Variants in PCMTD1 observed in about 807,000 individuals in gnomAD.
PCMTD1 encodes protein-L-isoaspartate (D-aspartate) O-methyltransferase domain containing 1.
PCMTD1 carries 12 observed loss-of-function variants against 37.6 expected under a neutral mutation model. That is an observed-to-expected ratio of 0.32 (90% CI 0.20 to 0.52). The LOEUF (loss-of-function observed/expected upper bound fraction) is 0.52. Among genes scored for constraint, PCMTD1 ranks in the 20% least tolerant of loss-of-function variants. PCMTD1 has a pLI of 0.97. For missense variants in PCMTD1, 235 were observed against 421.3 expected (o/e 0.56, Z 3.87); for synonymous variants, 117 against 135.8 (o/e 0.86, Z 0.96).
At chr8:51,892,594 G>A (rs543276208) in intron 1 of PCMTD1, among the ~76,000 whole-genome samples, 3 of 152,270 alleles carry the variant, frequency 2.0e-5, no homozygotes, top group South Asian at 4.1e-4. Flanking sequence ...TTGTCACAAC[G>A]GTTGTAATAG....
chr8:51,834,079 G>C (rs2038034321), intron 3 of PCMTD1, among the ~76,000 whole-genome samples: 1 of 152,070 alleles, frequency 6.6e-6, no homozygotes, highest in African/African-American at 2.4e-5. Flanking sequence ...TTCCAAAAAA[G>C]GTGAGGGGCC....
At chr8:51,857,824 A>C (rs1387039491) in intron 2 of PCMTD1, among the ~76,000 whole-genome samples, 1 of 152,146 alleles carries the variant, frequency 6.6e-6, no homozygotes, top group Non-Finnish European at 1.5e-5. Flanking sequence ...AATCCTAAGA[A>C]ATTTTCTGAA....
rs139744224 is a variant in PCMTD1, at chr8:51,820,558, T to C, written c.867A>G (p.Val289=). 1.0e-3 allele frequency: 1,652 copies of C among 1,612,640 alleles called. 4 individuals are homozygous for C. Among genetic ancestry groups the C allele is most frequent in the Non-Finnish European group, 1.2e-3 (1,443 of 1,179,620 alleles). Residue 289 remains valine (V), a synonymous_variant, in exon 6 of 6, where the codon GTA becomes GTG. Transcript: ENST00000522514. ...KRVKQRINTY[V]FVGNQLIPQP... Reference sequence around the variant, plus strand: ...GAGGAATAAGCTGATTACCCACAAATACGTAAGTGTTAATTCTCTGTTTAA... The same window carrying C: ...GAGGAATAAGCTGATTACCCACAAACACGTAAGTGTTAATTCTCTGTTTAA...
chr8:51,876,626 C>G (rs772808783), intron 1 of PCMTD1, among the ~76,000 whole-genome samples: 1 of 152,082 alleles, frequency 6.6e-6, no homozygotes, highest in Non-Finnish European at 1.5e-5. Context: ...GTCTGAAACA[C>G]CTTCTTAAGA....
At position 51,899,032 on chromosome 8, in the gene PCMTD1, C is replaced by A; in HGVS notation, c.-198G>T. The A allele has an allele frequency of 6.6e-7, 1 of 1,511,632 alleles. No homozygotes were observed. Among genetic ancestry groups the A allele is most frequent in the Non-Finnish European group, 8.8e-7 (1 of 1,136,894 alleles). The allele number at this position is 1,511,632 out of a possible 1,614,324, so 93.6% of individuals were successfully genotyped here. A position where few individuals can be genotyped will look rare whatever the true frequency, so the allele number is the denominator to read the frequency against. On this transcript the variant is annotated 5_prime_UTR_variant, in exon 1 of 6. Transcript: ENST00000522514. Reference sequence around the variant, plus strand: ...ACAATAACAACACGGACGCCACCGCCGAGTGGAGAGGCGGGGCCCGGACCC... The same window carrying A: ...ACAATAACAACACGGACGCCACCGCAGAGTGGAGAGGCGGGGCCCGGACCC...
chr8:51,887,655 T>C (rs189013473), intron 1 of PCMTD1, among the ~76,000 whole-genome samples: 8 of 151,646 alleles, frequency 5.3e-5, no homozygotes, highest in Admixed American at 5.3e-4. Context: ...CATGCAATCA[T>C]TTTCCTCGTT....
intron 1 of PCMTD1, among the ~76,000 whole-genome samples, chr8:51,885,816 AG>A (rs2038858138): frequency 7.2e-5 from 2 of 27,822 alleles, no homozygotes; most frequent in Non-Finnish European, 1.5e-3. Context: ...ATGTCTCTAC[AG>A]GGGCATACGT....
Position 51,894,112 on chromosome 8 carries a change from A to G in PCMTD1, c.-96+4818T>C, listed in dbSNP as rs150937741. On this transcript the variant is annotated intron_variant, in intron 1 of 5. Coordinates refer to ENST00000522514, the MANE Select transcript of PCMTD1 (RefSeq NM_052937.4). Reference sequence around the variant, plus strand: ...ACTGGGAGGTGGGGGCTCTAGGGAAATACGGTGTACGCTGTATAAACTAGA... The same window carrying G: ...ACTGGGAGGTGGGGGCTCTAGGGAAGTACGGTGTACGCTGTATAAACTAGA... Among the ~76,000 whole-genome samples, 1,523 of 152,320 alleles carry G rather than the reference A, an allele frequency of 1.0e-2. 32 individuals carry two copies. The highest frequency in any genetic ancestry group is 0.035 in the African/African-American group (1,443 of 41,566).
chr8:51,847,301 TA>T (rs1289578563), intron 2 of PCMTD1, among the ~76,000 whole-genome samples: 70 of 152,314 alleles, frequency 4.6e-4, no homozygotes, highest in African/African-American at 1.6e-3. Context: ...TAAAATGTTT[TA>T]AAAAACCAAA....
At chr8:51,868,336 T>G (rs900242011) in intron 1 of PCMTD1, among the ~76,000 whole-genome samples, 3 of 152,066 alleles carry the variant, frequency 2.0e-5, no homozygotes, top group Non-Finnish European at 4.4e-5. Context: ...AGTAAATCTG[T>G]CCAAAAGTAA....
At chr8:51,851,546 AAT>A (rs1489448547) in intron 2 of PCMTD1, among the ~76,000 whole-genome samples, 1 of 152,226 alleles carries the variant, frequency 6.6e-6, no homozygotes, top group Non-Finnish European at 1.5e-5. Context: ...AGAATATTAA[AAT>A]AGAGATTAAA....
chr8:51,849,461 T>C (rs1248766706), intron 2 of PCMTD1: 1 of 151,474 alleles, frequency 6.6e-6, no homozygotes, highest in Non-Finnish European at 1.5e-5. Flanking sequence ...TTTTTGTAAC[T>C]TTTTTTTTAA....
chr8:51,849,920 G>A (rs2038280161), intron 2 of PCMTD1: 1 of 617,640 alleles, frequency 1.6e-6, no homozygotes, highest in Non-Finnish European at 2.9e-6. Context: ...GGAAACCTGA[G>A]AGTTCCACAC....
chr8:51,889,554 T>C (rs2038909130), intron 1 of PCMTD1, among the ~76,000 whole-genome samples: 1 of 152,194 alleles, frequency 6.6e-6, no homozygotes, highest in African/African-American at 2.4e-5. Flanking sequence ...TCTGGTATCA[T>C]CATTTTATAG....
At chr8:51,837,777 CTATT>C (rs1002841834) in intron 3 of PCMTD1, among the ~76,000 whole-genome samples, 11 of 151,952 alleles carry the variant, frequency 7.2e-5, no homozygotes, top group African/African-American at 1.9e-4. Flanking sequence ...ACTTATCTAT[CTATT>C]TATTTATTTT....
chr8:51,832,741 T>C (rs1456551346), intron 4 of PCMTD1, among the ~76,000 whole-genome samples: 3 of 152,244 alleles, frequency 2.0e-5, no homozygotes, highest in Admixed American at 6.5e-5. Context: ...TGCTCATAAA[T>C]AGCTGCAGAA....
At chr8:51,888,841 G>A (rs978289101) in intron 1 of PCMTD1, among the ~76,000 whole-genome samples, 1 of 152,120 alleles carries the variant, frequency 6.6e-6, no homozygotes, top group Admixed American at 6.5e-5. Context: ...CCATTTCTTA[G>A]TGGCTGAGGG....
At chr8:51,876,960 C>G (rs1451015395) in intron 1 of PCMTD1, among the ~76,000 whole-genome samples, 1 of 152,192 alleles carries the variant, frequency 6.6e-6, no homozygotes, top group Non-Finnish European at 1.5e-5. Context: ...CTCAAAGTAT[C>G]TCTCCACAAA....
At chr8:51,851,531 G>A (rs1234291052) in intron 2 of PCMTD1, among the ~76,000 whole-genome samples, 3 of 151,992 alleles carry the variant, frequency 2.0e-5, no homozygotes, top group South Asian at 2.1e-4. Flanking sequence ...CTCAATGTGC[G>A]CAATAGAATA....
Sources: gnomAD v4.1 joint callset for allele counts (sites outside exome capture counted in the v4.1 genomes callset) on GRCh38, gnomAD v4.1.1 for gene constraint, MANE v1.5 for transcripts, NCBI Gene and HGNC (gene_info 2026-07-23, HGNC 2026-07-21) for gene names.